Variants in PPP1CB observed in about 807,000 individuals in gnomAD.
PPP1CB encodes serine/threonine-protein phosphatase PP1-beta catalytic subunit.
A neutral mutation model predicts 43.7 loss-of-function variants in PPP1CB; 2 were observed. That is an observed-to-expected ratio of 0.05 (90% confidence interval 0.02 to 0.14). PPP1CB has a LOEUF of 0.14. Among genes scored for constraint, PPP1CB ranks in the 10% least tolerant of loss-of-function variants. The pLI is 1.00. For synonymous variants in PPP1CB, 136 were observed against 135.6 expected (o/e 1.00, Z -0.02); for missense variants, 84 against 398.0 (o/e 0.21, Z 6.71).
chr2:28,788,595 A>T lies in PPP1CB; in HGVS notation c.593-63A>T, dbSNP rs894786187. On this transcript the variant is annotated intron_variant, in intron 5 of 7. Transcript: ENST00000395366. ...AGAAAGGAACTGAAATTTGATGTAG[A>T]TGTGCTATATTCTATAAATCTGTAA... 3.3e-6 allele frequency: 5 copies of T among 1,510,810 alleles called. No homozygotes were observed. In the East Asian group the frequency reaches 6.8e-5, roughly 21 times the overall value. 93.6% of individuals were successfully genotyped at this position (1,510,810 alleles called of 1,614,324 possible).
chr2:28,791,483 A>T (rs1174359740), intron 6 of PPP1CB, among the ~76,000 whole-genome samples: 1 of 151,900 alleles, frequency 6.6e-6, no homozygotes, highest in Admixed American at 6.6e-5. Flanking sequence ...GGTGTATGCC[A>T]CTAGCCTGGC....
rs187851196 is a variant in PPP1CB, at chr2:28,753,948, G to C, written c.52+1772G>C. Among the ~76,000 whole-genome samples the C allele has an allele frequency of 8.1e-3, 1,226 of 152,114 alleles. 17 individuals are homozygous for C. The highest frequency in any genetic ancestry group is 0.028 in the African/African-American group (1,155 of 41,496). On this transcript the variant is annotated intron_variant, in intron 1 of 7. Transcript: ENST00000395366. ...GACGGAGGTTTCACCATCTTGGCCTGGCTGGTCTTGAACTCCTGACCTCGT... is the reference window on the plus strand; with the variant it reads ...GACGGAGGTTTCACCATCTTGGCCTCGCTGGTCTTGAACTCCTGACCTCGT...
At chr2:28,799,144 T>G in intron 7 of PPP1CB, 55 bp from the exon 8 acceptor site, 1 of 1,233,450 alleles carries the variant, frequency 8.1e-7, no homozygotes, top group Non-Finnish European at 1.1e-6. Context: ...TGTAACAATT[T>G]TCTTAACTTC....
chr2:28,776,309 C>G (rs1258433171), intron 1 of PPP1CB, among the ~76,000 whole-genome samples: 1 of 151,704 alleles, frequency 6.6e-6, no homozygotes, highest in African/African-American at 2.4e-5. Flanking sequence ...GTTGCCCAGG[C>G]TGGAGTGCAA....
rs72854733 is a variant in PPP1CB at position 28,793,616 on chromosome 2, T to A, written c.745-247T>A. Among the ~76,000 whole-genome samples, 587 of 152,350 alleles carry A rather than the reference T, an allele frequency of 3.9e-3. 3 individuals are homozygous for A. Among genetic ancestry groups the A allele is most frequent in the African/African-American group, 0.014 (567 of 41,572 alleles). ...TGGGGAGCCTTGCAAATGGCATGATTTTTAAGCTTTCAGGAGTGGTGAATT... is the reference window on the plus strand; with the variant it reads ...TGGGGAGCCTTGCAAATGGCATGATATTTAAGCTTTCAGGAGTGGTGAATT... On this transcript the variant is annotated intron_variant, in intron 6 of 7. Coordinates refer to ENST00000395366, the MANE Select transcript of PPP1CB (RefSeq NM_002709.3).
chr2:28,800,360 T>C lies in PPP1CB; in HGVS notation c.*1057T>C, dbSNP rs1320823835. On this transcript the variant is annotated 3_prime_UTR_variant, in exon 8 of 8. Transcript: ENST00000395366. The stretch of plus-strand genomic sequence containing the variant: ...CCTCTATACGAAGGATGTATTTAAA[T>C]GAATGCTGGTCAGTGGGACATTTTG... 1.3e-5 allele frequency: 2 copies of C among 150,988 alleles called. No individual in the cohort carries two copies. Among genetic ancestry groups the C allele is most frequent in the African/African-American group, 4.9e-5 (2 of 41,106 alleles). The allele number at this position is 150,988 out of a possible 1,614,324, so 9.4% of individuals were successfully genotyped here.
At chr2:28,773,780 T>C (rs1475959845) in intron 1 of PPP1CB, among the ~76,000 whole-genome samples, 1 of 152,240 alleles carries the variant, frequency 6.6e-6, no homozygotes, top group African/African-American at 2.4e-5. Context: ...TTGGCTAATT[T>C]ATTTCTAATT....
chr2:28,776,643 C>T (rs1446259415), intron 1 of PPP1CB, among the ~76,000 whole-genome samples: 3 of 152,122 alleles, frequency 2.0e-5, no homozygotes, highest in African/African-American at 7.2e-5. Flanking sequence ...TCATCAACAG[C>T]AGACTTGAGG....
At chr2:28,771,480 A>C (rs568344287) in intron 1 of PPP1CB, among the ~76,000 whole-genome samples, 5 of 152,324 alleles carry the variant, frequency 3.3e-5, no homozygotes, top group Non-Finnish European at 5.9e-5. Context: ...CTAGATACCG[A>C]GACTTTATAA....
At chr2:28,778,328 ATC>A (rs1667083118) in intron 2 of PPP1CB, 3 of 469,590 alleles carry the variant, frequency 6.4e-6, no homozygotes, top group Non-Finnish European at 1.3e-5. Context: ...TTAATTTACC[ATC>A]TCACAATTTC....
At chr2:28,782,055 A>G (rs1250059293) in intron 4 of PPP1CB, 4 of 599,446 alleles carry the variant, frequency 6.7e-6, no homozygotes, top group African/African-American at 5.7e-5. Flanking sequence ...TTTCACATAT[A>G]AGGAGTGTAA....
At chr2:28,795,483 A>G (rs62131966) in intron 7 of PPP1CB, among the ~76,000 whole-genome samples, 2,773 of 152,156 alleles carry the variant, frequency 0.018, 32 homozygotes, top group Middle Eastern at 0.027. Context: ...GCTGACATCT[A>G]TTATCTTTTA....
At chr2:28,762,041 T>C (rs1376830750) in intron 1 of PPP1CB, among the ~76,000 whole-genome samples, 1 of 152,216 alleles carries the variant, frequency 6.6e-6, no homozygotes, top group East Asian at 1.9e-4. Flanking sequence ...CTCAGCACTT[T>C]GGGAGGCCGA....
chr2:28,752,247 C>T (rs1052809834), intron 1 of PPP1CB, 71 bp downstream of exon 1: 42 of 1,347,200 alleles, frequency 3.1e-5, no homozygotes, highest in Non-Finnish European at 4.0e-5. Flanking sequence ...CCCCGTCTGC[C>T]GCCGGAACGC....
chr2:28,790,465 G>A (rs924137873), intron 6 of PPP1CB, among the ~76,000 whole-genome samples: 1 of 151,842 alleles, frequency 6.6e-6, no homozygotes, highest in South Asian at 2.1e-4. Flanking sequence ...TCAGCCTCCC[G>A]AGTAGCTGGG....
At position 28,751,852 on chromosome 2, in the gene PPP1CB, A is replaced by T. The variant is rs773138610; in HGVS notation, c.-273A>T. 3.9e-6 allele frequency: 2 copies of T among 514,654 alleles called. No homozygotes were observed. The highest frequency in any genetic ancestry group is 5.9e-5 in the Admixed American group (2 of 33,770). The allele number at this position is 514,654 out of a possible 1,614,324, so 31.9% of individuals were successfully genotyped here. ...TTTGCGGAGCTGGGCGGTGCCGAGG[A>T]GGAGGAGGTGGCGGCCTGGGTCTGA... On this transcript the variant is annotated 5_prime_UTR_variant, in exon 1 of 8. Coordinates refer to ENST00000395366, the MANE Select transcript of PPP1CB (RefSeq NM_002709.3).
chr2:28,776,558 C>G (rs1254621100), intron 1 of PPP1CB, among the ~76,000 whole-genome samples: 1 of 152,104 alleles, frequency 6.6e-6, no homozygotes, highest in Non-Finnish European at 1.5e-5. Context: ...CCGTGCCCGG[C>G]CCTGAAATCT....
chr2:28,752,295 G>A (rs1666323010), intron 1 of PPP1CB, 119 bp downstream of exon 1: 2 of 1,003,196 alleles, frequency 2.0e-6, no homozygotes, highest in African/African-American at 3.5e-5. Flanking sequence ...GAGTCTCTGG[G>A]AGCGCGGCGC....
chr2:28,795,310 A>G (rs189087988), intron 7 of PPP1CB, among the ~76,000 whole-genome samples: 5 of 152,218 alleles, frequency 3.3e-5, no homozygotes, highest in Non-Finnish European at 7.4e-5. Context: ...TTAACATACA[A>G]GTGCTTGTCT....
Sources: gnomAD v4.1 joint callset for allele counts (sites outside exome capture counted in the v4.1 genomes callset) on GRCh38, gnomAD v4.1.1 for gene constraint, MANE v1.5 for transcripts, NCBI Gene and HGNC (gene_info 2026-07-23, HGNC 2026-07-21) for gene names.